The following CHD1L variants were observed in gnomAD, a reference collection of about 807,000 sequenced individuals.
CHD1L encodes chromodomain helicase DNA binding protein 1 like.
In CHD1L, 118 loss-of-function variants were observed where a neutral mutation model predicts 115.9. The observed-to-expected ratio is 1.02, with a 90% CI of 0.88 to 1.19. CHD1L has a LOEUF of 1.19. Ranked by LOEUF, CHD1L falls within the 50% of genes most tolerant of loss-of-function variation. The pLI is 0.00. For missense variants in CHD1L, 1,179 were observed against 1,065.3 expected, an observed-to-expected ratio of 1.11 and a Z score of -1.49; for synonymous variants, 411 against 387.1, an observed-to-expected ratio of 1.06 and a Z score of -0.72.
the CHD1L span, among the ~76,000 whole-genome samples, chr1:147,230,734 T>C: frequency 6.7e-6 from 1 of 149,528 alleles, no homozygotes; most frequent in Non-Finnish European, 1.5e-5. Flanking sequence ...CGGTTTAGTC[T>C]TGGGAGGGTG....
chr1:147,267,498 A>T lies in CHD1L; in HGVS notation c.968A>T (p.Asp323Val), dbSNP rs782634856. 4.0e-5 allele frequency: 65 copies of T among 1,612,178 alleles called. 1 individual carries two copies. The East Asian group carries it at 1.1e-3, about 27-fold the overall frequency. ...NILSQLRKCV[D>V]HPYLFDGVEP... ...TTGTCCCAGCTTCGAAAGTGTGTGG[A>T]TCACCCATATTTGTTTGATGGTGAG... The change falls in exon 9 of 23, where the codon GAT (aspartate) becomes GTT (valine). Residue 323 changes from aspartate (D) to valine (V), a missense_variant. Asp to Val is a radical substitution (Grantham distance 152). Transcript: ENST00000369258.
chr1:147,240,804 A>T (rs1553930613), upstream of CHD1L, among the ~76,000 whole-genome samples: 2 of 152,068 alleles, frequency 1.3e-5, no homozygotes, highest in African/African-American at 4.8e-5. Context: ...ACATTTGTTC[A>T]CATGTTTTCA....
At chr1:147,272,903 G>GA (rs35351060) in intron 12 of CHD1L, among the ~76,000 whole-genome samples, 47,367 of 141,338 alleles carry the variant, frequency 0.34, 8,474 homozygotes, top group South Asian at 0.4. Context: ...GTGGTGTCTG[G>GA]AAAAAAAAAA....
Position 147,267,080 on chromosome 1 carries a change from G to A in CHD1L, c.896-346G>A, listed in dbSNP as rs116828717. ...TGAATCAAATTCACTGGGAGGAATTGGAAGTGACAAGGGAAAGATAGTGAA... is the reference window on the plus strand; with the variant it reads ...TGAATCAAATTCACTGGGAGGAATTAGAAGTGACAAGGGAAAGATAGTGAA... On this transcript the variant is annotated intron_variant, in intron 8 of 22. Transcript: ENST00000369258. Among the ~76,000 whole-genome samples, 897 of 152,308 alleles carry A rather than the reference G, an allele frequency of 5.9e-3. 4 individuals carry two copies. The highest frequency in any genetic ancestry group is 9.3e-3 in the Non-Finnish European group (634 of 68,032).
rs782064316 is a variant in CHD1L at position 147,294,551 on chromosome 1, C to T, written c.2615+34C>T. 7.9e-6 allele frequency: 12 copies of T among 1,525,610 alleles called. No homozygotes were observed. In the Admixed American group the frequency reaches 2.1e-4, roughly 27 times the overall value. The allele number at this position is 1,525,610 out of a possible 1,614,324, so 94.5% of individuals were successfully genotyped here. ...TTGTGATCTTCATTGTGTGTTCTCC[C>T]AACCCAAGAGGGAAAATGTGTTCAT... On this transcript the variant is annotated intron_variant, in intron 22 of 22. Transcript: ENST00000369258.
intron 18 of CHD1L, 147 bp downstream of exon 18, chr1:147,286,647 TC>T: frequency 1.4e-6 from 1 of 709,852 alleles, no homozygotes; most frequent in Non-Finnish European, 2.3e-6. Flanking sequence ...CAGGAGATAT[TC>T]CAGAATCATT....
At chr1:147,217,840 CATA>C in the CHD1L span, among the ~76,000 whole-genome samples, 19 of 152,256 alleles carry the variant, frequency 1.2e-4, 1 homozygote, top group East Asian at 2.3e-3. Context: ...CAAAGACCTC[CATA>C]ATGTTTTGTA....
the CHD1L span, chr1:147,201,098 C>A: frequency 7.8e-7 from 1 of 1,283,882 alleles, no homozygotes; most frequent in South Asian, 1.4e-5. Flanking sequence ...AGTACCTAAA[C>A]AGAGGTAAAC....
chr1:147,188,523 A>T, the CHD1L span, among the ~76,000 whole-genome samples: 1 of 856 alleles, frequency 1.2e-3, no homozygotes, highest in African/African-American at 3.8e-3. Flanking sequence ...ACCCCATATC[A>T]AAAAAAAAAA....
chr1:147,203,985 A>C, the CHD1L span: 16 of 1,195,010 alleles, frequency 1.3e-5, no homozygotes, highest in Non-Finnish European at 2.0e-5. Flanking sequence ...TCCCATTTTG[A>C]GTTTAGCTTC....
At chr1:147,229,083 C>A in the CHD1L span, among the ~76,000 whole-genome samples, 1 of 152,092 alleles carries the variant, frequency 6.6e-6, no homozygotes, top group East Asian at 1.9e-4. Flanking sequence ...AAGTCCTTGC[C>A]CATGACTATG....
intron 15 of CHD1L, among the ~76,000 whole-genome samples, chr1:147,283,974 AGT>A (rs1345342689): frequency 6.6e-6 from 1 of 152,244 alleles, no homozygotes; most frequent in Non-Finnish European, 1.5e-5. Context: ...GAATATTAAA[AGT>A]GTGTTTGGAA....
chr1:147,191,902 T>C, the CHD1L span, among the ~76,000 whole-genome samples: 1 of 152,154 alleles, frequency 6.6e-6, no homozygotes, highest in Non-Finnish European at 1.5e-5. Flanking sequence ...CATGCTGTTT[T>C]GGTTACTGTA....
chr1:147,215,752 A>C, the CHD1L span: 2 of 1,591,648 alleles, frequency 1.3e-6, no homozygotes, highest in South Asian at 2.3e-5. Context: ...ACAATTTTCT[A>C]CCTTAAATCG....
chr1:147,236,144 C>T, the CHD1L span, among the ~76,000 whole-genome samples: 2 of 152,274 alleles, frequency 1.3e-5, no homozygotes, highest in South Asian at 2.1e-4. Flanking sequence ...TCCAGCTGGA[C>T]CAGGGGTGCC....
At chr1:147,192,639 G>C in the CHD1L span, among the ~76,000 whole-genome samples, 1 of 152,066 alleles carries the variant, frequency 6.6e-6, no homozygotes, top group African/African-American at 2.4e-5. Context: ...TATGATATTG[G>C]CTGTGGGTTT....
chr1:147,265,343 A>G (rs1323388476), intron 7 of CHD1L, among the ~76,000 whole-genome samples: 1 of 152,160 alleles, frequency 6.6e-6, no homozygotes, highest in African/African-American at 2.4e-5. Flanking sequence ...CATGGGACAC[A>G]CTTGTGTTAA....
upstream of CHD1L, among the ~76,000 whole-genome samples, chr1:147,242,121 TA>T (rs782076748): frequency 3.9e-5 from 6 of 152,186 alleles, no homozygotes; most frequent in Non-Finnish European, 8.8e-5. Context: ...CTGCTCCCCA[TA>T]ATGCACTTGA....
At chr1:147,262,628 A>G (rs1672357899) in intron 6 of CHD1L, among the ~76,000 whole-genome samples, 2 of 152,118 alleles carry the variant, frequency 1.3e-5, no homozygotes, top group Non-Finnish European at 2.9e-5. Context: ...ACAAGTTCCC[A>G]TACTTGAAAT....
Sources: allele counts gnomAD v4.1 joint callset (sites outside exome capture counted in the v4.1 genomes callset), GRCh38; gene constraint gnomAD v4.1.1; transcripts MANE v1.5; gene names NCBI Gene and HGNC (gene_info 2026-07-23, HGNC 2026-07-21).